BACH2: variants seen among roughly 807,000 people sequenced by gnomAD.
The protein encoded by BACH2 is BACH transcriptional regulator 2.
Under a neutral mutation model 61.8 loss-of-function variants are expected in BACH2, and 5 were observed. The ratio of observed to expected loss-of-function variants is 0.08; its 90% CI spans 0.04 to 0.17. The LOEUF (loss-of-function observed/expected upper bound fraction) is 0.17, where lower values mean the gene tolerates loss of function less well. Among genes scored for constraint, BACH2 ranks in the 10% least tolerant of loss-of-function variants. The pLI is 1.00. For synonymous variants in BACH2, 446 were observed against 440.1 expected (o/e 1.01, Z -0.17); for missense variants, 824 against 1,091.1 (o/e 0.76, Z 3.45).
chr6:90,230,812 GA>G (rs1770072034), intron 3 of BACH2, among the ~76,000 whole-genome samples: 1 of 152,178 alleles, frequency 6.6e-6, no homozygotes, highest in South Asian at 2.1e-4. Context: ...ACCCAGAGTT[GA>G]AATGTGTTTT....
intron 5 of BACH2, among the ~76,000 whole-genome samples, chr6:90,014,117 A>C (rs1777884405): frequency 6.6e-6 from 1 of 151,910 alleles, no homozygotes; most frequent in Non-Finnish European, 1.5e-5. Context: ...GTTGGATTCA[A>C]TTTGCTAACA....
intron 5 of BACH2, among the ~76,000 whole-genome samples, chr6:90,077,899 C>G (rs1231757837): frequency 6.6e-6 from 1 of 152,046 alleles, no homozygotes; most frequent in African/African-American, 2.4e-5. Flanking sequence ...ATCCTGAAGG[C>G]TAACAAAAAA....
At chr6:90,198,117 T>C (rs1371573377) in intron 4 of BACH2, among the ~76,000 whole-genome samples, 1 of 147,356 alleles carries the variant, frequency 6.8e-6, no homozygotes, top group Non-Finnish European at 1.5e-5. Flanking sequence ...TAACCACTCA[T>C]GTGTGCTCAT....
At chr6:90,268,644 T>C (rs796837475) in intron 2 of BACH2, among the ~76,000 whole-genome samples, 4 of 152,314 alleles carry the variant, frequency 2.6e-5, no homozygotes, top group African/African-American at 9.6e-5. Context: ...AAATCATTTT[T>C]ATTGTATTTT....
intron 3 of BACH2, among the ~76,000 whole-genome samples, chr6:90,217,582 C>T (rs536279811): frequency 4.6e-5 from 7 of 152,246 alleles, no homozygotes; most frequent in Non-Finnish European, 8.8e-5. Flanking sequence ...GGCATATTTT[C>T]ATTACATTTG....
chr6:90,033,931 C>A (rs941611678), intron 5 of BACH2, among the ~76,000 whole-genome samples: 3 of 152,078 alleles, frequency 2.0e-5, no homozygotes, highest in Non-Finnish European at 4.4e-5. Context: ...AGTTAGAATG[C>A]CAGTCAAGGA....
chr6:90,109,185 A>G (rs1367737309), intron 4 of BACH2, among the ~76,000 whole-genome samples: 2 of 152,136 alleles, frequency 1.3e-5, no homozygotes, highest in East Asian at 3.9e-4. Context: ...GTCACTCCAG[A>G]GAAACTGCTT....
At chr6:90,042,943 A>T (rs1362544975) in intron 5 of BACH2, among the ~76,000 whole-genome samples, 1 of 152,314 alleles carries the variant, frequency 6.6e-6, no homozygotes, top group South Asian at 2.1e-4. Flanking sequence ...GAAGCATAAG[A>T]GTGGCAACCA....
intron 4 of BACH2, among the ~76,000 whole-genome samples, chr6:90,127,407 C>G (rs984279792): frequency 6.6e-6 from 1 of 152,162 alleles, no homozygotes; most frequent in Non-Finnish European, 1.5e-5. Flanking sequence ...AAAGGCATTT[C>G]CCTCTAGGGC....
chr6:90,099,091 G>A (rs939676951), intron 4 of BACH2, among the ~76,000 whole-genome samples: 27 of 151,808 alleles, frequency 1.8e-4, no homozygotes, highest in African/African-American at 5.6e-4. Flanking sequence ...ACGGCCTCCC[G>A]TTTGCACTTA....
In BACH2 at chr6:89,932,327, C is replaced by G. The variant is rs531936987; in HGVS notation, c.*81G>C. 7 of 1,527,744 alleles carry G rather than the reference C, an allele frequency of 4.6e-6. No homozygotes were observed. In the East Asian group the frequency reaches 9.1e-5, roughly 20 times the overall value. 94.6% of individuals were successfully genotyped at this position (1,527,744 alleles called of 1,614,324 possible). A position where few individuals can be genotyped will look rare whatever the true frequency, so the allele number is the denominator to read the frequency against. On this transcript the variant is annotated 3_prime_UTR_variant, in exon 9 of 9. Coordinates refer to ENST00000257749, the MANE Select transcript of BACH2 (RefSeq NM_021813.4). ...AAATGTGTTCTCGGTTTCTTCGGGA[C>G]AGCAGATGAACAGTGCCACAGGCTG... is the stretch of plus-strand genomic sequence containing the variant.
intron 2 of BACH2, among the ~76,000 whole-genome samples, chr6:90,256,645 G>T (rs11967697): frequency 6.6e-6 from 1 of 152,060 alleles, no homozygotes; most frequent in Non-Finnish European, 1.5e-5. Flanking sequence ...TTTTTATTAC[G>T]TATATTTATG....
chr6:89,975,616 T>A (rs893237949), intron 6 of BACH2, among the ~76,000 whole-genome samples: 7 of 152,190 alleles, frequency 4.6e-5, no homozygotes, highest in Admixed American at 1.3e-4. Context: ...CTTCCTTTAT[T>A]TTTTGGTTTA....
intron 5 of BACH2, among the ~76,000 whole-genome samples, chr6:90,012,807 A>T (rs1010562730): frequency 6.6e-6 from 1 of 151,916 alleles, no homozygotes; most frequent in Non-Finnish European, 1.5e-5. Flanking sequence ...CTGGAATTAA[A>T]GAGGCATGTG....
intron 6 of BACH2, among the ~76,000 whole-genome samples, chr6:89,975,165 G>A (rs571499256): frequency 1.3e-5 from 2 of 152,204 alleles, no homozygotes; most frequent in Non-Finnish European, 2.9e-5. Context: ...GCAGACCTTA[G>A]ATTGAGAGCC....
chr6:90,028,720 C>G (rs1001483610), intron 5 of BACH2, among the ~76,000 whole-genome samples: 1 of 152,132 alleles, frequency 6.6e-6, no homozygotes, highest in South Asian at 2.1e-4. Context: ...ATACTGCATA[C>G]AAAGATGGTC....
At chr6:90,173,733 A>G (rs1767894739) in intron 4 of BACH2, among the ~76,000 whole-genome samples, 1 of 152,190 alleles carries the variant, frequency 6.6e-6, no homozygotes, top group South Asian at 2.1e-4. Context: ...GGAAATATCT[A>G]TAGCTTTATT....
At chr6:90,050,060 G>A (rs1481615907) in intron 5 of BACH2, among the ~76,000 whole-genome samples, 1 of 152,176 alleles carries the variant, frequency 6.6e-6, no homozygotes, top group African/African-American at 2.4e-5. Context: ...AAATAAAAAC[G>A]TGATTTTTGG....
intron 3 of BACH2, chr6:90,218,265 T>G (rs1042603146): frequency 6.6e-6 from 1 of 152,142 alleles, no homozygotes; most frequent in Admixed American, 6.5e-5. Flanking sequence ...CTCTAAAAAT[T>G]TTTTTAAAGT....
Sources: allele counts gnomAD v4.1 joint callset (sites outside exome capture counted in the v4.1 genomes callset), GRCh38; gene constraint gnomAD v4.1.1; transcripts MANE v1.5; gene names NCBI Gene and HGNC (gene_info 2026-07-23, HGNC 2026-07-21).